CES4A: variants seen among roughly 807,000 people sequenced by gnomAD.
CES4A encodes the protein carboxylesterase 4A.
Under a neutral mutation model 65.4 loss-of-function variants are expected in CES4A, and 48 were observed. The ratio of observed to expected loss-of-function variants is 0.73; its 90% CI spans 0.58 to 0.93. CES4A has a LOEUF of 0.93. Among genes scored for constraint, CES4A ranks in the 40% least tolerant of loss-of-function variants. The pLI, the probability that CES4A is intolerant of heterozygous loss-of-function variation, is 0.00. For missense variants in CES4A, 685 were observed against 728.5 expected, an observed-to-expected ratio of 0.94 and a Z score of 0.69; for synonymous variants, 247 against 281.8, an observed-to-expected ratio of 0.88 and a Z score of 1.24.
intron 1 of CES4A, among the ~76,000 whole-genome samples, chr16:66,994,159 A>G (rs1264021684): frequency 1.3e-5 from 2 of 151,956 alleles, no homozygotes; most frequent in Non-Finnish European, 2.9e-5. Flanking sequence ...CAAAATGAAT[A>G]ATGCATTTAT....
Position 67,000,928 on chromosome 16 carries a change from C to T in CES4A, c.474C>T (p.Ala158=), listed in dbSNP as rs1337018046. The change falls in exon 4 of 14, where the codon GCC becomes GCT. Residue 158 remains alanine (A), a synonymous_variant. Coordinates refer to ENST00000648724, the Ensembl canonical transcript of CES4A. The surrounding 1 kb of genome is among the most constrained non-coding windows in gnomAD (Gnocchi z 4.2). ...CTTCGTACGAGGGCTCTGACTTGGC[C>T]GCCCGCGAGAAAGTGGTGCTGGTGT... 4.3e-6 allele frequency: 7 copies of T among 1,613,258 alleles called. No homozygotes were observed. Among genetic ancestry groups the T allele is most frequent in the Non-Finnish European group, 5.9e-6 (7 of 1,179,612 alleles).
intron 2 of CES4A, among the ~76,000 whole-genome samples, chr16:66,998,688 G>A (rs541856131): frequency 8.5e-5 from 13 of 152,206 alleles, no homozygotes; most frequent in Middle Eastern, 3.4e-3. Context: ...CCAACATGGC[G>A]AAACCCCGTC....
intron 1 of CES4A, among the ~76,000 whole-genome samples, chr16:66,994,161 T>C (rs1225062515): frequency 6.6e-6 from 1 of 151,932 alleles, no homozygotes; most frequent in African/African-American, 2.4e-5. Context: ...AAATGAATAA[T>C]GCATTTATTG....
At chr16:66,993,384 C>T (rs1360492795) in intron 1 of CES4A, among the ~76,000 whole-genome samples, 1 of 152,136 alleles carries the variant, frequency 6.6e-6, no homozygotes, top group Non-Finnish European at 1.5e-5. Context: ...ACTTTGTCAC[C>T]CAGGCTGGAG....
chr16:66,999,755 C>T (rs1330803706), intron 2 of CES4A, among the ~76,000 whole-genome samples: 1 of 152,160 alleles, frequency 6.6e-6, no homozygotes, highest in Non-Finnish European at 1.5e-5. Flanking sequence ...GAGCCAAGAT[C>T]GTGCCACTAC....
intron 1 of CES4A, among the ~76,000 whole-genome samples, chr16:66,991,401 C>A (rs570385729): frequency 7.7e-4 from 118 of 152,346 alleles, no homozygotes; most frequent in African/African-American, 2.7e-3. Context: ...TTATCCTCCA[C>A]CAACAGTATA....
intron 2 of CES4A, among the ~76,000 whole-genome samples, chr16:66,999,672 C>G (rs553251193): frequency 6.6e-6 from 1 of 152,156 alleles, no homozygotes; most frequent in Non-Finnish European, 1.5e-5. Context: ...TGTGATGGCG[C>G]GTGCCTGTAG....
Position 67,009,244 on chromosome 16 carries a change from C to G in CES4A, c.*102C>G, listed in dbSNP as rs571738019. The G allele has an allele frequency of 1.6e-5, 20 of 1,214,042 alleles. No individual in the cohort carries two copies. In the Admixed American group the frequency reaches 4.8e-4, roughly 29 times the overall value. The allele number at this position is 1,214,042 out of a possible 1,614,324, so 75.2% of individuals were successfully genotyped here. On this transcript the variant is annotated 3_prime_UTR_variant, in exon 14 of 14. Transcript: ENST00000648724. ...ACCTGGGGACAAGAGTTCTACCCAC[C>G]CCAGTTTAGAACTGCAGGAGCTCCC...
chr16:67,001,460 T>G lies in CES4A; in HGVS notation c.689T>G (p.Leu230Arg). The change falls in exon 5 of 14, where the codon CTG (leucine) becomes CGG (arginine). Residue 230 changes from leucine (L) to arginine (R), a missense_variant and splice_region_variant. Transcript: ENST00000648724. The surrounding 1 kb of genome is among the most constrained non-coding windows in gnomAD (Gnocchi z 4.1). ...GCGGGGGCCATGAGCATCTCAGGAC[T>G]GGTGAGAGCAATGCCCAGACGGACC... The G allele has an allele frequency of 6.2e-7, 1 of 1,601,142 alleles. No individual in the cohort carries two copies. The highest frequency in any genetic ancestry group is 1.1e-5 in the South Asian group (1 of 89,120).
At chr16:66,996,506 G>A (rs1362967915) in intron 2 of CES4A, among the ~76,000 whole-genome samples, 4 of 152,188 alleles carry the variant, frequency 2.6e-5, no homozygotes, top group Non-Finnish European at 4.4e-5. Flanking sequence ...TGGGGGCTGA[G>A]CCCTGAGTCA....
At chr16:66,993,083 G>A (rs1178937167) in intron 1 of CES4A, among the ~76,000 whole-genome samples, 1 of 152,186 alleles carries the variant, frequency 6.6e-6, no homozygotes, top group Admixed American at 6.6e-5. Flanking sequence ...GGCAATAGGA[G>A]TGGGGCAGGA....
chr16:67,003,350 C>T lies in CES4A; in HGVS notation c.890C>T (p.Ser297Phe). 6.2e-7 allele frequency: 1 copy of T among 1,613,800 alleles called. No homozygotes were observed. Among genetic ancestry groups the T allele is most frequent in the Non-Finnish European group, 8.5e-7 (1 of 1,179,830 alleles). The change falls in exon 7 of 14, where the codon TCC becomes TTC. Residue 297 changes from serine (S) to phenylalanine (F), a missense_variant. Ser to Phe is a radical substitution (Grantham distance 155, BLOSUM62 -2). Coordinates refer to ENST00000648724, the Ensembl canonical transcript of CES4A. The surrounding 1 kb of genome is among the most constrained non-coding windows in gnomAD (Gnocchi z 4.2). ...TCAGGGACCAAGGTGATGCGTGTGTCCAACAAGATGGTAGGTAGAACATTC... is the reference window on the plus strand; with the variant it reads ...TCAGGGACCAAGGTGATGCGTGTGTTCAACAAGATGGTAGGTAGAACATTC...
At chr16:66,988,806 T>A (rs1256542478) in exon 1 of CES4A, 8 of 1,569,886 alleles carry the variant, frequency 5.1e-6, no homozygotes, top group Non-Finnish European at 6.9e-6. Flanking sequence ...CCTCACCCTC[T>A]GCCTGATGGC....
rs908903095 is a variant in CES4A, at chr16:67,001,231, G to A, written c.537-77G>A. 2 of 1,476,742 alleles carry A rather than the reference G, an allele frequency of 1.4e-6. No homozygotes were observed. Among genetic ancestry groups the A allele is most frequent in the Admixed American group, 4.7e-5 (2 of 42,308 alleles). 91.5% of individuals were successfully genotyped at this position (1,476,742 alleles called of 1,614,324 possible). ...AGAGGGGCAAGGCTGGGCTGGGTGG[G>A]GGAAGCCCAGGAGGGCAGCCCAACG... On this transcript the variant is annotated intron_variant, in intron 4 of 13. Transcript: ENST00000648724. This position sits in a 1 kb window ranked among gnomAD's most constrained non-coding sequence, Gnocchi z 4.1.
chr16:66,994,504 C>T (rs540360425), intron 1 of CES4A, among the ~76,000 whole-genome samples: 17 of 150,956 alleles, frequency 1.1e-4, no homozygotes, highest in East Asian at 2.1e-4. Flanking sequence ...AGCCACCGCG[C>T]GCAGCCGACA....
intron 9 of CES4A, 95 bp downstream of exon 9, chr16:67,004,319 A>G (rs1965584166): frequency 5.1e-6 from 7 of 1,383,298 alleles, no homozygotes; most frequent in Non-Finnish European, 7.1e-6. Flanking sequence ...GCTGGGCACC[A>G]GGTCAGATGC....
chr16:67,007,732 C>T (rs1192137202), intron 13 of CES4A: 2 of 152,058 alleles, frequency 1.3e-5, no homozygotes, highest in Non-Finnish European at 2.9e-5. Context: ...GCAGTCCTCT[C>T]ACTTCAGCCT....
chr16:66,996,337 G>C (rs779075221), intron 2 of CES4A, among the ~76,000 whole-genome samples: 1 of 152,048 alleles, frequency 6.6e-6, no homozygotes, highest in Admixed American at 6.6e-5. Flanking sequence ...GCCTAGACTT[G>C]TTGTTGGTTT....
Position 67,001,339 on chromosome 16 carries a change from G to T in CES4A, c.568G>T (p.Gly190Trp). ...CGACAGCCACGCGCGCGGGAACTGG[G>T]GGCTGCTGGACCAGATGGCGGCTCT... is the stretch of plus-strand genomic sequence containing the variant. The change falls in exon 5 of 14, where the codon GGG becomes TGG. Residue 190 changes from glycine to tryptophan, a missense_variant. Physicochemically the swap from Gly to Trp is radical, Grantham distance 184. Transcript: ENST00000648724. The surrounding 1 kb of genome is among the most constrained non-coding windows in gnomAD (Gnocchi z 4.1). The T allele has an allele frequency of 6.2e-7, 1 of 1,612,650 alleles. No homozygotes were observed. The highest frequency in any genetic ancestry group is 8.5e-7 in the Non-Finnish European group (1 of 1,179,386).
Sources: allele counts gnomAD v4.1 joint callset (sites outside exome capture counted in the v4.1 genomes callset), GRCh38; gene constraint gnomAD v4.1.1; non-coding constraint Gnocchi (gnomAD v3.1); transcripts MANE v1.5; gene names NCBI Gene and HGNC (gene_info 2026-07-23, HGNC 2026-07-21).